The following CYP7B1 variants were observed in gnomAD, a reference collection of about 807,000 sequenced individuals.
The protein encoded by CYP7B1 is cytochrome P450 7B1.
A neutral mutation model predicts 42.7 loss-of-function variants in CYP7B1; 29 were observed. The ratio of observed to expected loss-of-function variants is 0.68; its 90% CI spans 0.51 to 0.93. CYP7B1 has a LOEUF of 0.93. CYP7B1 is among the 40% of genes least tolerant of loss of function. CYP7B1 has a pLI of 0.00. For missense variants in CYP7B1, 655 were observed against 600.5 expected (o/e 1.09, Z -0.95); for synonymous variants, 235 against 218.2 (o/e 1.08, Z -0.68).
Position 64,777,405 on chromosome 8 carries a change from G to GT in CYP7B1, c.122+21060dup, listed in dbSNP as rs983378121. On this transcript the variant is annotated intron_variant, in intron 1 of 5. Coordinates refer to ENST00000310193, the MANE Select transcript of CYP7B1 (RefSeq NM_004820.5). ...CTCAGCTAGGAAATTAACCACTTAA[G>GT]TTTTTTCCCCATTTTTGTCTAATTA... Among the ~76,000 whole-genome samples, 5 of 152,096 alleles carry GT rather than the reference G, an allele frequency of 3.3e-5. No individual in the cohort carries two copies. The East Asian group carries it at 9.7e-4, about 29-fold the overall frequency.
intron 1 of CYP7B1, among the ~76,000 whole-genome samples, chr8:64,673,257 T>C (rs1806393923): frequency 6.6e-6 from 1 of 152,164 alleles, no homozygotes; most frequent in Non-Finnish European, 1.5e-5. Flanking sequence ...TTTTTTCTAA[T>C]CCTAAACCTT....
chr8:64,716,103 G>A (rs576000023), intron 1 of CYP7B1, among the ~76,000 whole-genome samples: 7 of 152,116 alleles, frequency 4.6e-5, no homozygotes, highest in East Asian at 1.9e-4. Flanking sequence ...TATGTTTTGC[G>A]TTAAGCACTG....
At chr8:64,634,429 AT>A (rs1475691457) in intron 1 of CYP7B1, among the ~76,000 whole-genome samples, 1 of 151,612 alleles carries the variant, frequency 6.6e-6, no homozygotes, top group Non-Finnish European at 1.5e-5. Flanking sequence ...AAAAAAAAAA[AT>A]TCGCCGGGCA....
rs559141384 is a variant in CYP7B1, at chr8:64,779,061, TATCATACTTACATTTCTTCTAGC to T, written c.122+19382_122+19404del. ...AAATGTGTGTAAATGTGTGTATTCATATCATACTTACATTTCTTCTAGCAATGCTTAAAATGTACTAGCTCTTA... is the reference window on the plus strand; with the variant it reads ...AAATGTGTGTAAATGTGTGTATTCATAATGCTTAAAATGTACTAGCTCTTA... On this transcript the variant is annotated intron_variant, in intron 1 of 5. Coordinates refer to ENST00000310193, the MANE Select transcript of CYP7B1 (RefSeq NM_004820.5). 4.3e-3 allele frequency among the ~76,000 whole-genome samples: 661 copies of T among 152,258 alleles called. 5 individuals are homozygous for T. The highest frequency in any genetic ancestry group is 0.021 in the Admixed American group (316 of 15,288).
intron 1 of CYP7B1, among the ~76,000 whole-genome samples, chr8:64,643,140 TATATAC>T (rs1563374292): frequency 8.7e-4 from 29 of 33,384 alleles, no homozygotes; most frequent in African/African-American, 2.8e-3. Context: ...TATATATACA[TATATAC>T]ATATATACAT....
At chr8:64,788,933 T>A (rs967642827) in intron 1 of CYP7B1, among the ~76,000 whole-genome samples, 1 of 152,172 alleles carries the variant, frequency 6.6e-6, no homozygotes, top group African/African-American at 2.4e-5. Context: ...TCTTTTTTCT[T>A]ATTTTCAGAT....
At chr8:64,761,017 G>T (rs1030465361) in intron 1 of CYP7B1, among the ~76,000 whole-genome samples, 1 of 152,052 alleles carries the variant, frequency 6.6e-6, no homozygotes, top group Non-Finnish European at 1.5e-5. Flanking sequence ...TTAAAAAGAC[G>T]CAAATGTTGT....
intron 1 of CYP7B1, among the ~76,000 whole-genome samples, chr8:64,697,501 T>G (rs1337004154): frequency 1.3e-5 from 2 of 152,072 alleles, no homozygotes; most frequent in Non-Finnish European, 2.9e-5. Flanking sequence ...AGGCACAGAG[T>G]CAGCATTCGT....
intron 4 of CYP7B1, among the ~76,000 whole-genome samples, chr8:64,614,240 C>A (rs1480822941): frequency 6.6e-6 from 1 of 152,010 alleles, no homozygotes; most frequent in Admixed American, 6.6e-5. Flanking sequence ...GCTAATTAAA[C>A]GAAATCTGCT....
intron 1 of CYP7B1, among the ~76,000 whole-genome samples, chr8:64,751,323 C>T (rs1158253104): frequency 6.6e-6 from 1 of 152,154 alleles, no homozygotes; most frequent in Non-Finnish European, 1.5e-5. Context: ...AATGACATCA[C>T]ATGGAATTGT....
In CYP7B1 at chr8:64,616,283, T is replaced by C; in HGVS notation, c.260-2A>G. The C allele has an allele frequency of 6.6e-7, 1 of 1,524,026 alleles. No individual in the cohort carries two copies. The highest frequency in any genetic ancestry group is 8.9e-7 in the Non-Finnish European group (1 of 1,118,490). 94.4% of individuals were successfully genotyped at this position (1,524,026 alleles called of 1,614,324 possible). On this transcript the variant is annotated splice_acceptor_variant, in intron 2 of 5. Coordinates refer to ENST00000310193, the MANE Select transcript of CYP7B1 (RefSeq NM_004820.5). LOFTEE classifies it high-confidence loss of function. ...CCAGGATAAATGTTATGTACTTTCC[T>C]AGAAAAAAAAAAAGAGAGAGAAAAT...
chr8:64,720,534 CAG>C (rs1224910475), intron 1 of CYP7B1, among the ~76,000 whole-genome samples: 8 of 152,126 alleles, frequency 5.3e-5, no homozygotes, highest in Admixed American at 4.6e-4. Flanking sequence ...ACAGACTATT[CAG>C]AGATATTGTT....
At chr8:64,669,125 G>GT in intron 1 of CYP7B1, among the ~76,000 whole-genome samples, 1 of 152,100 alleles carries the variant, frequency 6.6e-6, no homozygotes, top group South Asian at 2.1e-4. Flanking sequence ...GAGAAAATAA[G>GT]TTAAAAAAAA....
rs1444128951 is a variant in CYP7B1 at position 64,646,264 on chromosome 8, C to CTA, written c.123-21726_123-21725insTA. ...AACTACCATCAGAGTGAACAGGCAA[C>CTA]CCACAAAATGGGAGAAAATTTTCGC... On this transcript the variant is annotated intron_variant, in intron 1 of 5. Coordinates refer to ENST00000310193, the MANE Select transcript of CYP7B1 (RefSeq NM_004820.5). Among the ~76,000 whole-genome samples, 53 of 152,102 alleles carry CTA rather than the reference C, an allele frequency of 3.5e-4. 1 individual carries two copies. The highest frequency in any genetic ancestry group is 1.3e-3 in the African/African-American group (53 of 41,514).
rs183615727 is a variant in CYP7B1, at chr8:64,607,597, G to A, written c.1058-2740C>T. On this transcript the variant is annotated intron_variant, in intron 4 of 5. Transcript: ENST00000310193. ...GGCCTGCCACCAGCTTGTGATAGGC[G>A]GGCAAATTGAGTTAAAATGAAAAGT... 3.9e-5 allele frequency among the ~76,000 whole-genome samples: 6 copies of A among 152,222 alleles called. No homozygotes were observed. In the East Asian group the frequency reaches 7.7e-4, roughly 20 times the overall value.
At chr8:64,659,527 T>A (rs1377739263) in intron 1 of CYP7B1, among the ~76,000 whole-genome samples, 1 of 152,214 alleles carries the variant, frequency 6.6e-6, no homozygotes, top group East Asian at 1.9e-4. Context: ...ATTAATATTA[T>A]TTATGAGCAT....
At chr8:64,666,561 G>A (rs1243268816) in intron 1 of CYP7B1, among the ~76,000 whole-genome samples, 4 of 152,114 alleles carry the variant, frequency 2.6e-5, no homozygotes, top group African/African-American at 9.7e-5. Context: ...CAGGTGGGGT[G>A]GACAAGTGTG....
At chr8:64,731,167 G>A (rs998922065) in intron 1 of CYP7B1, among the ~76,000 whole-genome samples, 2 of 152,150 alleles carry the variant, frequency 1.3e-5, no homozygotes, top group Non-Finnish European at 2.9e-5. Context: ...ATAGTAAACT[G>A]GTACCAGGAG....
intron 1 of CYP7B1, among the ~76,000 whole-genome samples, chr8:64,643,192 T>TAC (rs896274314): frequency 3.1e-3 from 356 of 115,206 alleles, no homozygotes; most frequent in Middle Eastern, 9.8e-3. Flanking sequence ...CATATATATA[T>TAC]ACACACACAC....
Sources: gnomAD v4.1 joint callset for allele counts (sites outside exome capture counted in the v4.1 genomes callset) on GRCh38, gnomAD v4.1.1 for gene constraint, MANE v1.5 for transcripts, NCBI Gene and HGNC (gene_info 2026-07-23, HGNC 2026-07-21) for gene names.